Variants in COPG2 observed in about 807,000 individuals in gnomAD.
COPG2 encodes coat protein complex I subunit gamma 2.
COPG2 carries 37 observed loss-of-function variants against 46.3 expected under a neutral mutation model. The ratio of observed to expected loss-of-function variants is 0.80; its 90% confidence interval spans 0.61 to 1.05. The LOEUF (loss-of-function observed/expected upper bound fraction) is 1.05, where lower values mean the gene tolerates loss of function less well. COPG2 is among the 50% of genes least tolerant of loss of function. COPG2 has a pLI of 0.00. For missense variants in COPG2, 427 were observed against 387.8 expected, an observed-to-expected ratio of 1.10 and a Z score of -0.85; for synonymous variants, 159 against 129.7, an observed-to-expected ratio of 1.23 and a Z score of -1.53.
At chr7:130,663,105 C>G in intron 3 of COPG2, 67 bp from the exon 4 acceptor site, 2 of 779,138 alleles carry the variant, frequency 2.6e-6, no homozygotes, top group Non-Finnish European at 3.9e-6. Flanking sequence ...TACATATACA[C>G]ACACAGGATT....
intron 1 of COPG2, 148 bp downstream of exon 1, chr7:130,668,484 G>T: frequency 1.9e-6 from 1 of 530,914 alleles, no homozygotes; most frequent in South Asian, 6.5e-5. Context: ...GGGCAGCCGC[G>T]AGGGGAGGGG....
intron 5 of COPG2, among the ~76,000 whole-genome samples, chr7:130,617,593 T>C (rs577914406): frequency 1.3e-5 from 2 of 152,322 alleles, no homozygotes; most frequent in Non-Finnish European, 1.5e-5. Context: ...AGGTGTGAAC[T>C]AGCTACAAAA....
intron 5 of COPG2, among the ~76,000 whole-genome samples, chr7:130,623,609 G>A (rs575693120): frequency 6.6e-6 from 1 of 152,172 alleles, no homozygotes; most frequent in South Asian, 2.1e-4. Flanking sequence ...ACTCCTGTTG[G>A]TATTTTCATT....
rs892981241 is a variant in COPG2, at chr7:130,568,068, G to A, written c.738-3675C>T. 4.5e-3 allele frequency among the ~76,000 whole-genome samples: 690 copies of A among 152,272 alleles called. 3 individuals carry two copies. Among genetic ancestry groups the A allele is most frequent in the African/African-American group, 0.016 (667 of 41,564 alleles). ...CCGAGGCAGGCAGATCACGAGGTCA[G>A]GAGTTTGAGACCAGCCTGGCCAACA... On this transcript the variant is annotated intron_variant, in intron 9 of 23. Transcript: ENST00000425248.
intron 6 of COPG2, among the ~76,000 whole-genome samples, chr7:130,614,875 G>C (rs1794920204): frequency 6.6e-6 from 1 of 152,166 alleles, no homozygotes; most frequent in African/African-American, 2.4e-5. Flanking sequence ...TGAGGATATT[G>C]CCTGGGTATT....
chr7:130,530,402 T>G (rs1286546686), intron 20 of COPG2, among the ~76,000 whole-genome samples: 4 of 152,064 alleles, frequency 2.6e-5, no homozygotes, highest in East Asian at 3.9e-4. Flanking sequence ...AGAAAAGGCT[T>G]GAGTGGAAGA....
At chr7:130,606,927 T>C (rs782229480) in intron 9 of COPG2, among the ~76,000 whole-genome samples, 1 of 152,198 alleles carries the variant, frequency 6.6e-6, no homozygotes, top group African/African-American at 2.4e-5. Flanking sequence ...TGTTCATTCA[T>C]GGTAACTATT....
At chr7:130,554,753 T>G (rs1183214634) in intron 13 of COPG2, 29 bp from the exon 14 acceptor site, 1 of 398,504 alleles carries the variant, frequency 2.5e-6, no homozygotes, top group African/African-American at 2.1e-5. Flanking sequence ...AAACTGCCAT[T>G]CATTCTAGGG....
intron 9 of COPG2, among the ~76,000 whole-genome samples, chr7:130,576,740 G>A (rs1352956250): frequency 6.6e-6 from 1 of 151,924 alleles, no homozygotes; most frequent in Non-Finnish European, 1.5e-5. Flanking sequence ...CCTAGCAGAA[G>A]AAAGGAAATA....
intron 9 of COPG2, among the ~76,000 whole-genome samples, chr7:130,591,638 C>T (rs1342721397): frequency 2.1e-5 from 3 of 146,008 alleles, no homozygotes; most frequent in African/African-American, 5.0e-5. Flanking sequence ...CCGCCCCGTC[C>T]GGTTGGTGAG....
At chr7:130,518,514 G>A (rs917361583) in intron 20 of COPG2, among the ~76,000 whole-genome samples, 140 of 152,270 alleles carry the variant, frequency 9.2e-4, no homozygotes, top group Non-Finnish European at 1.4e-3. Flanking sequence ...TATACCTCAA[G>A]AGTATACCTT....
chr7:130,578,510 C>T (rs1174212700), intron 9 of COPG2, among the ~76,000 whole-genome samples: 50 of 151,764 alleles, frequency 3.3e-4, no homozygotes, highest in Non-Finnish European at 5.8e-4. Context: ...ATGACTTTGA[C>T]GAGCTGAGAG....
At chr7:130,555,815 G>C (rs1285106493) in intron 12 of COPG2, among the ~76,000 whole-genome samples, 12 of 152,052 alleles carry the variant, frequency 7.9e-5, no homozygotes, top group Admixed American at 7.9e-4. Context: ...GGGTGACAGA[G>C]AGAGACTCTG....
At chr7:130,518,058 A>G (rs1403764995) in intron 20 of COPG2, among the ~76,000 whole-genome samples, 3 of 152,238 alleles carry the variant, frequency 2.0e-5, no homozygotes, top group African/African-American at 4.8e-5. Flanking sequence ...ATATACATAC[A>G]TTTATACAGC....
At chr7:130,564,667 G>A (rs1242393219) in intron 9 of COPG2, among the ~76,000 whole-genome samples, 1 of 152,124 alleles carries the variant, frequency 6.6e-6, no homozygotes, top group Non-Finnish European at 1.5e-5. Flanking sequence ...GAAGTTTCTG[G>A]TGTTTTAACC....
intron 9 of COPG2, among the ~76,000 whole-genome samples, chr7:130,595,334 T>C (rs1794507645): frequency 6.6e-6 from 1 of 152,186 alleles, no homozygotes; most frequent in South Asian, 2.1e-4. Context: ...AAAAATGGAT[T>C]TGTATTTTCC....
intron 9 of COPG2, chr7:130,607,337 A>C: frequency 4.9e-6 from 1 of 202,216 alleles, no homozygotes; most frequent in Non-Finnish European, 1.0e-5. Flanking sequence ...TGCTAATTCC[A>C]ATGTCTGGAT....
intron 20 of COPG2, among the ~76,000 whole-genome samples, chr7:130,539,295 C>T (rs1248201981): frequency 6.6e-6 from 1 of 151,744 alleles, no homozygotes; most frequent in Non-Finnish European, 1.5e-5. Context: ...GAGGAAGTGG[C>T]GGGACTGGCT....
At chr7:130,594,469 G>A (rs1479806781) in intron 9 of COPG2, among the ~76,000 whole-genome samples, 34 of 152,098 alleles carry the variant, frequency 2.2e-4, no homozygotes, top group Admixed American at 2.2e-3. Flanking sequence ...TTTCTTAGGG[G>A]TAATACCAAA....
Sources: allele counts gnomAD v4.1 joint callset (sites outside exome capture counted in the v4.1 genomes callset), GRCh38; gene constraint gnomAD v4.1.1; transcripts MANE v1.5; gene names NCBI Gene and HGNC (gene_info 2026-07-23, HGNC 2026-07-21).